Variants in KRTCAP3 observed in about 807,000 individuals in gnomAD.
KRTCAP3 encodes the protein keratinocyte-associated protein 3.
A neutral mutation model predicts 20.5 loss-of-function variants in KRTCAP3; 18 were observed. The observed-to-expected ratio is 0.88, with a 90% CI of 0.61 to 1.31. The LOEUF is 1.31. Among genes scored for constraint, KRTCAP3 ranks in the 50% most tolerant of loss-of-function variants. The probability of loss-of-function intolerance (pLI) is 0.00; values close to 1 mark genes in which losing one functional copy is unlikely to be tolerated. For missense variants in KRTCAP3, 347 were observed against 310.4 expected (o/e 1.12, Z -0.89); for synonymous variants, 167 against 133.7 (o/e 1.25, Z -1.72).
At chr2:27,445,742 T>A, downstream of KRTCAP3, 1 of 1,614,122 alleles carries the variant, frequency 6.2e-7, no homozygotes, top group Admixed American at 1.7e-5. This position sits in a 1 kb window ranked among gnomAD's most constrained non-coding sequence, Gnocchi z 4.4. Context: ...CCTGTGCCCT[T>A]ACCGGTACAT....
rs963735269 is a variant in KRTCAP3 at position 27,442,405 on chromosome 2, C to T, written c.-8C>T. On this transcript the variant is annotated 5_prime_UTR_variant, in exon 1 of 7. Coordinates refer to ENST00000288873, the MANE Select transcript of KRTCAP3 (RefSeq NM_173853.4). Reference sequence around the variant, plus strand: ...TACAGCGGCCCTGCGGCTGGCGCGGCGGACGGGATGAGGCGCTGCAGTCTC... The same window carrying T: ...TACAGCGGCCCTGCGGCTGGCGCGGTGGACGGGATGAGGCGCTGCAGTCTC... 3 of 1,553,022 alleles carry T rather than the reference C, an allele frequency of 1.9e-6. No homozygotes were observed. Among genetic ancestry groups the T allele is most frequent in the East Asian group, 2.4e-5 (1 of 40,912 alleles).
chr2:27,443,918 C>A, intron 5 of KRTCAP3, 31 bp from the exon 6 acceptor site: 2 of 1,187,286 alleles, frequency 1.7e-6, no homozygotes, highest in African/African-American at 1.5e-5. Flanking sequence ...TCATTCAGGG[C>A]GAGGGTGTCT....
At chr2:27,443,811 G>A (rs1338852053) in intron 5 of KRTCAP3, 138 bp from the exon 6 acceptor site, 3 of 647,472 alleles carry the variant, frequency 4.6e-6, no homozygotes, top group Non-Finnish European at 8.3e-6. Flanking sequence ...GGAAGGCGGA[G>A]GTTGCAGTGA....
downstream of KRTCAP3, chr2:27,445,878 G>T (rs1223817766): frequency 6.2e-7 from 1 of 1,614,050 alleles, no homozygotes; most frequent in East Asian, 2.2e-5. This position sits in a 1 kb window ranked among gnomAD's most constrained non-coding sequence, Gnocchi z 4.4. Context: ...ACTAGGCACA[G>T]CTCGCGACTG....
downstream of KRTCAP3, chr2:27,445,368 C>CA: frequency 6.2e-7 from 1 of 1,613,120 alleles, no homozygotes; most frequent in Non-Finnish European, 8.5e-7. The surrounding 1 kb of genome is among the most constrained non-coding windows in gnomAD (Gnocchi z 4.4). Context: ...GCGCCACGCT[C>CA]ATCCCGAGGC....
intron 3 of KRTCAP3, 42 bp downstream of exon 3, chr2:27,442,943 G>A: frequency 1.9e-6 from 3 of 1,608,996 alleles, no homozygotes; most frequent in Non-Finnish European, 2.5e-6. Flanking sequence ...GTAGGCTTGA[G>A]TCAGGGAAAT....
downstream of KRTCAP3, chr2:27,445,886 C>A (rs1463996987): frequency 5.6e-6 from 9 of 1,614,106 alleles, no homozygotes; most frequent in Admixed American, 1.0e-4. This position sits in a 1 kb window ranked among gnomAD's most constrained non-coding sequence, Gnocchi z 4.4. Context: ...CAGCTCGCGA[C>A]TGGCAAAAAC....
In KRTCAP3 at chr2:27,443,268, C is replaced by A; in HGVS notation, c.468C>A (p.Pro156=). 1 of 1,614,148 alleles carries A rather than the reference C, an allele frequency of 6.2e-7. No homozygotes were observed. The highest frequency in any genetic ancestry group is 1.3e-5 in the African/African-American group (1 of 75,046). Residue 156 remains proline, a synonymous_variant, in exon 4 of 7, where the codon CCC becomes CCA. Coordinates refer to ENST00000288873, the MANE Select transcript of KRTCAP3 (RefSeq NM_173853.4). ...GACATACTGACTGCCCCTTTGACCCCACAAGAATCTATGTGAGCACATTCT... is the reference window on the plus strand; with the variant it reads ...GACATACTGACTGCCCCTTTGACCCAACAAGAATCTATGTGAGCACATTCT... ...GPGHTDCPFD[P]TRIYDTALAL...
chr2:27,442,821 A>G, intron 2 of KRTCAP3, 21 bp from the exon 3 acceptor site: 1 of 1,611,672 alleles, frequency 6.2e-7, no homozygotes, highest in Non-Finnish European at 8.5e-7. Flanking sequence ...CAGCAGGCCA[A>G]AGGCTTTGTG....
chr2:27,446,083 G>C, downstream of KRTCAP3: 3 of 1,485,568 alleles, frequency 2.0e-6, no homozygotes, highest in Non-Finnish European at 2.8e-6. Context: ...AGCAAGCTGG[G>C]CTTGAATGCT....
In KRTCAP3 at chr2:27,443,960, G is replaced by A; in HGVS notation, c.627G>A (p.Met209Ile). 1.3e-6 allele frequency: 2 copies of A among 1,597,802 alleles called. No individual in the cohort carries two copies. Among genetic ancestry groups the A allele is most frequent in the Non-Finnish European group, 1.7e-6 (2 of 1,165,116 alleles). ...ATCTTCTTCTGCAGCTAGAGGAAAT[G>A]ACAGAGCTTGAATCTCCTAAATGTA... ...KDGLQGQLEE[M>I]TELESPKCKR... Residue 209 changes from methionine to isoleucine, a missense_variant, in exon 6 of 7, where the codon ATG becomes ATA. Physicochemically the swap from Met to Ile is conservative, Grantham distance 10. Coordinates refer to ENST00000288873, the MANE Select transcript of KRTCAP3 (RefSeq NM_173853.4).
chr2:27,445,610 C>G (rs752336429), downstream of KRTCAP3: 7 of 1,315,078 alleles, frequency 5.3e-6, no homozygotes, highest in Non-Finnish European at 7.3e-6. This position sits in a 1 kb window ranked among gnomAD's most constrained non-coding sequence, Gnocchi z 4.4. Flanking sequence ...CCTTTTCTTT[C>G]TATTTTGCTT....
At position 27,443,080 on chromosome 2, in the gene KRTCAP3, G is replaced by A. The variant is rs1203306406; in HGVS notation, c.280G>A (p.Val94Ile). Residue 94 changes from valine to isoleucine, a missense_variant, in exon 4 of 7, where the codon GTC becomes ATC. Transcript: ENST00000288873. ...RNLLRPPLHW[V>I]LLALALVNLL... ...GATCTCCTGTCCCTGCCAGCACTGG[G>A]TCCTGCTGGCACTAGCTCTGGTGAA... is the stretch of plus-strand genomic sequence containing the variant. 1.2e-6 allele frequency: 2 copies of A among 1,612,846 alleles called. No individual in the cohort carries two copies. The highest frequency in any genetic ancestry group is 2.2e-5 in the East Asian group (1 of 44,856).
chr2:27,443,279 A>G lies in KRTCAP3; in HGVS notation c.479A>G (p.Tyr160Cys), dbSNP rs1202331740. Residue 160 changes from tyrosine to cysteine, a missense_variant and splice_region_variant, in exon 4 of 7, where the codon TAT becomes TGT. By Grantham distance (194) the Tyr-to-Cys change is radical. Transcript: ENST00000288873. ...TGCCCCTTTGACCCCACAAGAATCT[A>G]TGTGAGCACATTCTCTTCCTTCTTG... is the stretch of plus-strand genomic sequence containing the variant. Reference protein sequence around the residue: ...TDCPFDPTRIYDTALALWIPS... With the variant: ...TDCPFDPTRICDTALALWIPS... 11 of 1,613,960 alleles carry G rather than the reference A, an allele frequency of 6.8e-6. No homozygotes were observed. In the African/African-American group the frequency reaches 8.0e-5, roughly 12 times the overall value.
chr2:27,445,768 G>T (rs757813720), downstream of KRTCAP3: 2 of 1,614,172 alleles, frequency 1.2e-6, no homozygotes, highest in Non-Finnish European at 1.7e-6. The surrounding 1 kb of genome is among the most constrained non-coding windows in gnomAD (Gnocchi z 4.4). Flanking sequence ...TTAGCTGGGA[G>T]TGGCACCTCA....
chr2:27,442,432 GCGCTTT>G lies in KRTCAP3; in HGVS notation c.23_28del (p.Ala8_Phe9del). 2.5e-6 allele frequency: 4 copies of G among 1,569,958 alleles called. No homozygotes were observed. The South Asian group carries it at 4.7e-5, about 18-fold the overall frequency. On this transcript the variant is annotated inframe_deletion and splice_region_variant, in exon 1 of 7. Transcript: ENST00000288873. ...GACGGGATGAGGCGCTGCAGTCTCTGCGCTTTCGGTAACTTCCGGGCCCTGGCGTCT... is the reference window on the plus strand; with the variant it reads ...GACGGGATGAGGCGCTGCAGTCTCTGCGGTAACTTCCGGGCCCTGGCGTCT...
At chr2:27,445,611 T>C, downstream of KRTCAP3, 2 of 1,317,246 alleles carry the variant, frequency 1.5e-6, no homozygotes, top group South Asian at 1.4e-5. This position sits in a 1 kb window ranked among gnomAD's most constrained non-coding sequence, Gnocchi z 4.4. Context: ...CTTTTCTTTC[T>C]ATTTTGCTTC....
At chr2:27,444,982 C>T (rs754296042), downstream of KRTCAP3, 4 of 1,605,788 alleles carry the variant, frequency 2.5e-6, no homozygotes, top group East Asian at 8.9e-5. Context: ...GCTGCCCTCT[C>T]TGCCTTCATT....
chr2:27,445,837 C>T (rs1372327110), downstream of KRTCAP3: 6 of 1,614,028 alleles, frequency 3.7e-6, no homozygotes, highest in Non-Finnish European at 5.1e-6. This position sits in a 1 kb window ranked among gnomAD's most constrained non-coding sequence, Gnocchi z 4.4. Flanking sequence ...GTCCCTTCCT[C>T]GATTGCCTGC....
Sources: gnomAD v4.1 joint callset for allele counts on GRCh38, gnomAD v4.1.1 for gene constraint, Gnocchi (gnomAD v3.1) non-coding constraint, MANE v1.5 for transcripts, NCBI Gene and HGNC (gene_info 2026-07-23, HGNC 2026-07-21) for gene names.